The following LRFN5 variants were observed in gnomAD, a reference collection of about 807,000 sequenced individuals.
The protein encoded by LRFN5 is leucine-rich repeat and fibronectin type-III domain-containing protein 5.
LRFN5 carries 24 observed loss-of-function variants against 45.6 expected under a neutral mutation model. That is an observed-to-expected ratio of 0.53 (90% CI 0.38 to 0.74). LRFN5 has a LOEUF of 0.74. Among genes scored for constraint, LRFN5 ranks in the 30% least tolerant of loss-of-function variants. The pLI, the probability that LRFN5 is intolerant of heterozygous loss-of-function variation, is 0.00. For synonymous variants in LRFN5, 340 were observed against 313.8 expected, an observed-to-expected ratio of 1.08 and a Z score of -0.88; for missense variants, 776 against 861.5, an observed-to-expected ratio of 0.90 and a Z score of 1.24.
chr14:41,743,462 C>G (rs556656346), intron 1 of LRFN5, among the ~76,000 whole-genome samples: 1 of 151,934 alleles, frequency 6.6e-6, no homozygotes, highest in East Asian at 1.9e-4. Flanking sequence ...AAAAATAAAT[C>G]AATAAAATAA....
chr14:41,865,709 A>G (rs1453174498), intron 2 of LRFN5, among the ~76,000 whole-genome samples: 1 of 152,210 alleles, frequency 6.6e-6, no homozygotes, highest in Admixed American at 6.5e-5. Flanking sequence ...TATCAATTTC[A>G]TTACATGTTC....
intron 1 of LRFN5, among the ~76,000 whole-genome samples, chr14:41,656,747 A>T (rs1158635389): frequency 6.6e-6 from 1 of 151,902 alleles, no homozygotes; most frequent in Non-Finnish European, 1.5e-5. Flanking sequence ...TTTATAGGGG[A>T]GGAAGAGCGT....
At chr14:41,644,743 C>T (rs781002290) in intron 1 of LRFN5, among the ~76,000 whole-genome samples, 6 of 152,114 alleles carry the variant, frequency 3.9e-5, no homozygotes, top group Admixed American at 2.6e-4. Flanking sequence ...AACTTTCAGT[C>T]GCTCCATTAT....
chr14:41,883,603 G>T (rs1890463117), intron 2 of LRFN5, among the ~76,000 whole-genome samples: 3 of 152,134 alleles, frequency 2.0e-5, no homozygotes, highest in African/African-American at 7.2e-5. Flanking sequence ...TCTTCATGGA[G>T]CACTTTAAAG....
intron 1 of LRFN5, among the ~76,000 whole-genome samples, chr14:41,715,177 T>C (rs1883442799): frequency 6.6e-6 from 1 of 152,220 alleles, no homozygotes; most frequent in East Asian, 1.9e-4. Flanking sequence ...CTTCAAAATC[T>C]TGTGCTATCT....
At chr14:41,760,655 C>G (rs896015862) in intron 1 of LRFN5, among the ~76,000 whole-genome samples, 1 of 150,908 alleles carries the variant, frequency 6.6e-6, no homozygotes, top group Admixed American at 6.6e-5. Context: ...TCTGATTTAA[C>G]ATGCAAAGGA....
In LRFN5 at chr14:41,668,594, G is replaced by C. The variant is rs76046405; in HGVS notation, c.-197+60032G>C. On this transcript the variant is annotated intron_variant, in intron 1 of 5. Transcript: ENST00000298119. ...CTGTTAATTACACATGCTGTTATGG[G>C]TTTTAACCATGACTCCATAAAACTT... Among the ~76,000 whole-genome samples the C allele has an allele frequency of 9.3e-3, 1,414 of 152,206 alleles. 6 individuals are homozygous for C. Among genetic ancestry groups the C allele is most frequent in the East Asian group, 0.02 (104 of 5,188 alleles).
chr14:41,703,248 T>C (rs918201542), intron 1 of LRFN5, among the ~76,000 whole-genome samples: 2 of 152,232 alleles, frequency 1.3e-5, no homozygotes, highest in African/African-American at 2.4e-5. Flanking sequence ...TGATGGGTTC[T>C]AATTTACATA....
chr14:41,816,197 C>G (rs1436613484), intron 2 of LRFN5, among the ~76,000 whole-genome samples: 1 of 151,768 alleles, frequency 6.6e-6, no homozygotes, highest in African/African-American at 2.4e-5. Context: ...TTTATAATGA[C>G]AAAATAATTC....
intron 5 of LRFN5, among the ~76,000 whole-genome samples, chr14:41,900,100 T>C (rs1891058875): frequency 6.6e-6 from 1 of 152,092 alleles, no homozygotes; most frequent in African/African-American, 2.4e-5. Flanking sequence ...CTCTCTTTCA[T>C]TTTTAAAGTT....
intron 1 of LRFN5, among the ~76,000 whole-genome samples, chr14:41,722,365 G>T (rs1883755661): frequency 6.6e-6 from 1 of 151,998 alleles, no homozygotes; most frequent in South Asian, 2.1e-4. Context: ...TCATTTCTGA[G>T]TTTCCATTTT....
intron 2 of LRFN5, among the ~76,000 whole-genome samples, chr14:41,812,160 C>G (rs1887758659): frequency 6.6e-6 from 1 of 151,920 alleles, no homozygotes; most frequent in African/African-American, 2.4e-5. Context: ...AGAAATTAAA[C>G]TGAGTTATTA....
chr14:41,800,418 G>T (rs541093363), intron 2 of LRFN5, among the ~76,000 whole-genome samples: 1 of 151,768 alleles, frequency 6.6e-6, no homozygotes, highest in Admixed American at 6.6e-5. Flanking sequence ...TGAGAAATTT[G>T]TATTAACATA....
At chr14:41,878,827 T>C (rs1054832850) in intron 2 of LRFN5, among the ~76,000 whole-genome samples, 2 of 152,134 alleles carry the variant, frequency 1.3e-5, no homozygotes, top group African/African-American at 4.8e-5. Context: ...TGAAAGCCAT[T>C]CTGACTTTCC....
intron 2 of LRFN5, among the ~76,000 whole-genome samples, chr14:41,801,553 T>C (rs1175210037): frequency 6.6e-6 from 1 of 152,132 alleles, no homozygotes; most frequent in African/African-American, 2.4e-5. Flanking sequence ...AGATTTTCAG[T>C]GCTCCATCAG....
intron 2 of LRFN5, among the ~76,000 whole-genome samples, chr14:41,850,718 G>A (rs925682835): frequency 6.6e-6 from 1 of 151,648 alleles, no homozygotes; most frequent in African/African-American, 2.4e-5. Context: ...TATGATCTCA[G>A]TCTGTTATAG....
chr14:41,662,180 A>G (rs10138326), intron 1 of LRFN5, among the ~76,000 whole-genome samples: 42,125 of 151,940 alleles, frequency 0.28, 5,895 homozygotes, highest in South Asian at 0.38. Flanking sequence ...GGGATCATTA[A>G]GAGTATCAAA....
intron 4 of LRFN5, among the ~76,000 whole-genome samples, chr14:41,898,495 A>G (rs1247952225): frequency 6.6e-6 from 1 of 151,986 alleles, no homozygotes; most frequent in Non-Finnish European, 1.5e-5. Context: ...ACATAGTTAA[A>G]CTATATTTTC....
intron 2 of LRFN5, among the ~76,000 whole-genome samples, chr14:41,860,622 T>A (rs1166386054): frequency 2.0e-5 from 3 of 152,214 alleles, no homozygotes; most frequent in African/African-American, 7.2e-5. Flanking sequence ...ATTTAAAAAT[T>A]AAAACAGGAA....
Sources: gnomAD v4.1 joint callset for allele counts (sites outside exome capture counted in the v4.1 genomes callset) on GRCh38, gnomAD v4.1.1 for gene constraint, MANE v1.5 for transcripts, NCBI Gene and HGNC (gene_info 2026-07-23, HGNC 2026-07-21) for gene names.